Variants in DMD observed in about 807,000 individuals in gnomAD.
DMD encodes the protein mutant dystrophin.
Under a neutral mutation model 330.1 loss-of-function variants are expected in DMD, and 63 were observed. The ratio of observed to expected loss-of-function variants is 0.19; its 90% CI spans 0.16 to 0.24. The LOEUF is 0.24. Ranked by LOEUF, DMD falls within the 10% of genes least tolerant of loss-of-function variation. DMD has a pLI of 1.00. For synonymous variants in DMD, 1,223 were observed against 959.8 expected, an observed-to-expected ratio of 1.27 and a Z score of -5.07; for missense variants, 3,344 against 2,684.1, an observed-to-expected ratio of 1.25 and a Z score of -5.43.
rs58097229 is a variant in DMD at position 31,356,924 on chromosome X, CTTT to C, written c.9085-8293_9085-8291del. The stretch of plus-strand genomic sequence containing the variant: ...AGATCATAGGAAGCATTTCTTCTGC[CTTT>C]TTTTTTTTTTTTTTTTTTGGTCTCA... On this transcript the variant is annotated intron_variant, in intron 60 of 78. Transcript: ENST00000357033. 9.4e-4 allele frequency among the ~76,000 whole-genome samples: 70 copies of C among 74,262 alleles called. 1 individual carries two copies. Among genetic ancestry groups the C allele is most frequent in the East Asian group, 2.8e-3 (7 of 2,514 alleles). The allele number at this position is 74,262 out of a possible 115,157, so 64.5% of individuals were successfully genotyped here. A position where few individuals can be genotyped will look rare whatever the true frequency, so the allele number is the denominator to read the frequency against.
At chrX:31,145,656 A>T (rs1410398976) in intron 76 of DMD, among the ~76,000 whole-genome samples, 1 of 101,116 alleles carries the variant, frequency 9.9e-6, no homozygotes, top group Non-Finnish European at 1.9e-5. Context: ...AGACCCTGGG[A>T]ACTCTATTTT....
At chrX:32,265,235 G>T (rs1194230540) in intron 43 of DMD, among the ~76,000 whole-genome samples, 1 of 112,295 alleles carries the variant, frequency 8.9e-6, no homozygotes, top group Non-Finnish European at 1.9e-5. Flanking sequence ...TCCAGCCATG[G>T]CTAAAAGGAG....
chrX:32,837,644 G>C (rs1253049028), intron 4 of DMD, among the ~76,000 whole-genome samples: 2 of 111,499 alleles, frequency 1.8e-5, no homozygotes, highest in Non-Finnish European at 3.8e-5. Context: ...AACTTTTTCT[G>C]TATGCCACGT....
chrX:32,376,006 G>A (rs924555655), intron 34 of DMD, among the ~76,000 whole-genome samples: 1 of 111,725 alleles, frequency 9.0e-6, no homozygotes, highest in African/African-American at 3.3e-5. Flanking sequence ...CTGGCCGGGT[G>A]TGGTGACTCA....
At chrX:31,884,854 C>T (rs1412305042) in intron 47 of DMD, among the ~76,000 whole-genome samples, 1 of 111,320 alleles carries the variant, frequency 9.0e-6, no homozygotes, top group Non-Finnish European at 1.9e-5. Context: ...AATACATGCA[C>T]ACTTTAGTAA....
intron 1 of DMD, among the ~76,000 whole-genome samples, chrX:33,272,666 A>G (rs1190484455): frequency 1.4e-5 from 1 of 70,611 alleles, no homozygotes; most frequent in African/African-American, 1.6e-4. Flanking sequence ...ATCAAAATGA[A>G]AAAAAAAAAA....
chrX:32,015,850 A>T (rs2095756177), intron 44 of DMD, among the ~76,000 whole-genome samples: 1 of 111,847 alleles, frequency 8.9e-6, no homozygotes, highest in Admixed American at 9.5e-5. Context: ...TCCTTATCTA[A>T]TAGTTCTTTT....
At chrX:32,754,691 C>A (rs2071280235) in intron 7 of DMD, among the ~76,000 whole-genome samples, 2 of 111,717 alleles carry the variant, frequency 1.8e-5, no homozygotes, top group Non-Finnish European at 3.8e-5. Context: ...CAGATTTAAA[C>A]ATACAGAAAT....
At chrX:32,903,500 G>A (rs981307124) in intron 2 of DMD, among the ~76,000 whole-genome samples, 3 of 111,025 alleles carry the variant, frequency 2.7e-5, no homozygotes, top group African/African-American at 9.8e-5. Context: ...TCCAAGCCTA[G>A]CTGAGCATTA....
intron 52 of DMD, among the ~76,000 whole-genome samples, chrX:31,714,121 T>C (rs2148926379): frequency 9.0e-6 from 1 of 111,717 alleles, no homozygotes; most frequent in East Asian, 2.8e-4. Flanking sequence ...TTTGCTGCCA[T>C]AAGCTTGAAG....
chrX:32,104,053 G>A (rs1198780717), intron 44 of DMD, among the ~76,000 whole-genome samples: 1 of 110,904 alleles, frequency 9.0e-6, no homozygotes, highest in Non-Finnish European at 1.9e-5. Flanking sequence ...TGGGAGTGGG[G>A]GAGTGGGATG....
intron 7 of DMD, among the ~76,000 whole-genome samples, chrX:32,781,890 C>T (rs770242068): frequency 9.0e-6 from 1 of 111,091 alleles, no homozygotes; most frequent in African/African-American, 3.3e-5. Flanking sequence ...ATGTTCACTC[C>T]ACTTTCTCTC....
intron 55 of DMD, among the ~76,000 whole-genome samples, chrX:31,579,257 T>A (rs949769715): frequency 8.9e-6 from 1 of 112,297 alleles, no homozygotes; most frequent in Admixed American, 9.4e-5. Flanking sequence ...AGAGTCTTTG[T>A]GAACATTTCA....
intron 44 of DMD, among the ~76,000 whole-genome samples, chrX:32,178,323 G>T (rs2096913363): frequency 9.1e-6 from 1 of 109,637 alleles, no homozygotes; most frequent in South Asian, 3.9e-4. Context: ...ATATGTGTTT[G>T]TAAAATAAAT....
intron 11 of DMD, among the ~76,000 whole-genome samples, chrX:32,623,507 G>GTTATGT (rs2058134609): frequency 9.2e-6 from 1 of 109,203 alleles, no homozygotes; most frequent in East Asian, 2.9e-4. Flanking sequence ...CCTTGCCAAG[G>GTTATGT]TAAAGATTTA....
At position 32,707,652 on chromosome X, in the gene DMD, A is replaced by C. The variant is rs2064800748; in HGVS notation, c.650-8359T>G. 4.5e-5 allele frequency among the ~76,000 whole-genome samples: 5 copies of C among 112,097 alleles called. No homozygotes were observed. In the South Asian group the frequency reaches 1.8e-3, roughly 41 times the overall value. On this transcript the variant is annotated intron_variant, in intron 7 of 78. Transcript: ENST00000357033. ...TTGTCTCTTCCGTCACAATTGTCCT[A>C]AGTTTACATATGTTAAATATATTTT...
intron 51 of DMD, among the ~76,000 whole-genome samples, chrX:31,768,200 G>A (rs2090122050): frequency 9.0e-6 from 1 of 111,119 alleles, no homozygotes. Context: ...CTCAGCACAG[G>A]CAATCAGACA....
Position 31,926,011 on chromosome X carries a change from A to G in DMD, c.6912+3585T>C, listed in dbSNP as rs1476349951. 8.1e-5 allele frequency among the ~76,000 whole-genome samples: 9 copies of G among 111,290 alleles called. No individual in the cohort carries two copies. The Admixed American group carries it at 8.6e-4, about 11-fold the overall frequency. On this transcript the variant is annotated intron_variant, in intron 47 of 78. Transcript: ENST00000357033. ...AAGAGAGTGATGATGATGGCGAGAGAGCCTCCTACACCCACATGCATGTTC... is the reference window on the plus strand; with the variant it reads ...AAGAGAGTGATGATGATGGCGAGAGGGCCTCCTACACCCACATGCATGTTC...
At chrX:32,632,163 C>A (rs1009548392) in intron 11 of DMD, among the ~76,000 whole-genome samples, 2 of 112,134 alleles carry the variant, frequency 1.8e-5, no homozygotes, top group African/African-American at 6.5e-5. Flanking sequence ...AGGTCTCATG[C>A]AAGTCTGAAA....
Sources: gnomAD v4.1 joint callset for allele counts (sites outside exome capture counted in the v4.1 genomes callset) on GRCh38, gnomAD v4.1.1 for gene constraint, MANE v1.5 for transcripts, NCBI Gene and HGNC (gene_info 2026-07-23, HGNC 2026-07-21) for gene names.